AK7: variants seen among roughly 807,000 people sequenced by gnomAD.
The protein encoded by AK7 is ATP-AMP transphosphorylase 7.
Under a neutral mutation model 96.6 loss-of-function variants are expected in AK7, and 78 were observed. That is an observed-to-expected ratio of 0.81 (90% CI 0.67 to 0.97). AK7 has a LOEUF of 0.97. AK7 is among the 50% of genes least tolerant of loss of function. The pLI, the probability that AK7 is intolerant of heterozygous loss-of-function variation, is 0.00. For synonymous variants in AK7, 302 were observed against 317.2 expected, an observed-to-expected ratio of 0.95 and a Z score of 0.51; for missense variants, 855 against 887.9, an observed-to-expected ratio of 0.96 and a Z score of 0.47.
At position 96,423,990 on chromosome 14, in the gene AK7, C is replaced by T. The variant is rs1228858836; in HGVS notation, c.609+3058C>T. On this transcript the variant is annotated intron_variant, in intron 5 of 17. Transcript: ENST00000267584. ...GCCATTCCCTGTATTGGGGATCCTT[C>T]CTGCTTGGAGCATCCGGGTCTGTCA... is the stretch of plus-strand genomic sequence containing the variant. 3.4e-6 allele frequency: 3 copies of T among 873,578 alleles called. No homozygotes were observed. In the African/African-American group the frequency reaches 5.0e-5, roughly 14 times the overall value. 54.1% of individuals were successfully genotyped at this position (873,578 alleles called of 1,614,324 possible).
At chr14:96,436,862 C>T (rs895072041) in intron 5 of AK7, among the ~76,000 whole-genome samples, 11 of 152,028 alleles carry the variant, frequency 7.2e-5, no homozygotes, top group African/African-American at 2.7e-4. Context: ...AGCAGCAGGC[C>T]GCCATGTGGA....
rs533676290 is a variant in AK7, at chr14:96,477,897, G to A, written c.1556-568G>A. On this transcript the variant is annotated intron_variant, in intron 14 of 17. Transcript: ENST00000267584. ...ATAATTGTGCTGGATAGGAGGCAGC[G>A]TGAGGCCAGGAGCCGTGGCTTATCC... Among the ~76,000 whole-genome samples the A allele has an allele frequency of 2.4e-4, 36 of 152,300 alleles. 1 individual carries two copies. The South Asian group carries it at 7.2e-3, about 31-fold the overall frequency.
chr14:96,392,150 C>G lies in AK7; in HGVS notation c.-5C>G, dbSNP rs1301847819. The G allele has an allele frequency of 3.7e-6, 6 of 1,611,042 alleles. No homozygotes were observed. Among genetic ancestry groups the G allele is most frequent in the Admixed American group, 1.7e-5 (1 of 59,984 alleles). ...TTCACCTTAGCAACCAGCGCGGCTC[C>G]CACCATGGCTGAAGAAGAGGAAACT... On this transcript the variant is annotated 5_prime_UTR_variant, in exon 1 of 18. Coordinates refer to ENST00000267584, the MANE Select transcript of AK7 (RefSeq NM_152327.5).
chr14:96,480,743 G>A (rs547833992), intron 15 of AK7, among the ~76,000 whole-genome samples: 1 of 152,278 alleles, frequency 6.6e-6, no homozygotes, highest in Admixed American at 6.5e-5. Flanking sequence ...ATAAGTAACA[G>A]GGAGGAATGA....
intron 1 of AK7, among the ~76,000 whole-genome samples, chr14:96,396,951 G>A (rs1227157398): frequency 2.0e-5 from 3 of 152,112 alleles, no homozygotes; most frequent in African/African-American, 7.2e-5. Context: ...TAAAAAATTA[G>A]CCAGGCGTGG....
chr14:96,476,546 C>A (rs1404359568), intron 14 of AK7, among the ~76,000 whole-genome samples: 1 of 150,918 alleles, frequency 6.6e-6, no homozygotes, highest in African/African-American at 2.4e-5. Context: ...TCATGTGATT[C>A]CAGATAGCCA....
intron 8 of AK7, among the ~76,000 whole-genome samples, chr14:96,447,562 T>G (rs1431446820): frequency 6.6e-5 from 10 of 152,012 alleles, no homozygotes; most frequent in Non-Finnish European, 7.4e-5. Flanking sequence ...GCTCAAATGA[T>G]CCTCCCGCCT....
chr14:96,467,185 A>G (rs1487309460), intron 12 of AK7, among the ~76,000 whole-genome samples: 1 of 152,212 alleles, frequency 6.6e-6, no homozygotes, highest in East Asian at 1.9e-4. Context: ...GTTGTGCCTC[A>G]GTTAGTTTTA....
intron 5 of AK7, among the ~76,000 whole-genome samples, chr14:96,433,159 C>T (rs1323015795): frequency 6.6e-6 from 1 of 152,160 alleles, no homozygotes; most frequent in African/African-American, 2.4e-5. Flanking sequence ...TGGGATTCCT[C>T]TTCTCGAGGA....
chr14:96,481,544 C>T (rs1895502254), intron 15 of AK7, among the ~76,000 whole-genome samples: 1 of 151,690 alleles, frequency 6.6e-6, no homozygotes, highest in Admixed American at 6.6e-5. Flanking sequence ...CAGGGTTTTA[C>T]CACGTTGGCC....
At chr14:96,441,393 T>C (rs1892947866) in intron 6 of AK7, among the ~76,000 whole-genome samples, 1 of 151,826 alleles carries the variant, frequency 6.6e-6, no homozygotes, top group Non-Finnish European at 1.5e-5. Flanking sequence ...AATCCCAGCA[T>C]ATTGGGAGGC....
At chr14:96,395,771 T>C (rs1890039061) in intron 1 of AK7, among the ~76,000 whole-genome samples, 1 of 144,726 alleles carries the variant, frequency 6.9e-6, no homozygotes, top group Non-Finnish European at 1.5e-5. Context: ...TTTATCTCCT[T>C]CCTTAAATTA....
Position 96,488,374 on chromosome 14 carries a change from A to G in AK7, c.*31A>G. 6.3e-7 allele frequency: 1 copy of G among 1,593,408 alleles called. No homozygotes were observed. The highest frequency in any genetic ancestry group is 8.6e-7 in the Non-Finnish European group (1 of 1,163,710). On this transcript the variant is annotated 3_prime_UTR_variant, in exon 18 of 18. Transcript: ENST00000267584. ...GAAAGATCTGGTATTATCTACCTTTACAGAACCACAGATCACTTATTATAC... is the reference window on the plus strand; with the variant it reads ...GAAAGATCTGGTATTATCTACCTTTGCAGAACCACAGATCACTTATTATAC...
intron 4 of AK7, among the ~76,000 whole-genome samples, chr14:96,419,850 G>A (rs368982494): frequency 9.5e-4 from 132 of 138,916 alleles, no homozygotes; most frequent in Non-Finnish European, 1.0e-3. Flanking sequence ...GTGCAATGGC[G>A]CGATTTCGGC....
chr14:96,481,800 G>A (rs546248233), intron 15 of AK7, among the ~76,000 whole-genome samples: 223 of 151,244 alleles, frequency 1.5e-3, no homozygotes, highest in Non-Finnish European at 2.7e-3. Context: ...TGCTTCCCGG[G>A]TTCAAGTGAT....
intron 12 of AK7, among the ~76,000 whole-genome samples, chr14:96,468,073 C>CAAAAAA (rs35563628): frequency 3.8e-5 from 3 of 79,102 alleles, no homozygotes; most frequent in Non-Finnish European, 4.6e-5. Context: ...CCCGTCTCTA[C>CAAAAAA]AAAAAAAAAA....
At position 96,398,217 on chromosome 14, in the gene AK7, C is replaced by G. The variant is rs770377765; in HGVS notation, c.248C>G (p.Ser83Cys). Residue 83 changes from serine to cysteine, a missense_variant, in exon 2 of 18, where the codon TCC (serine) becomes TGC (cysteine). Ser to Cys is a moderately radical substitution (Grantham distance 112). Coordinates refer to ENST00000267584, the MANE Select transcript of AK7 (RefSeq NM_152327.5). ...ACATTCCAGATTGTGGGCACGCTGT[C>G]CAAGCCTGACAGCCCGCGGCCTGAC... ...EGTFQIVGTL[S>C]KPDSPRPDFA... The G allele has an allele frequency of 2.4e-5, 38 of 1,613,836 alleles. No individual in the cohort carries two copies. In the South Asian group the frequency reaches 3.4e-4, roughly 14 times the overall value.
intron 4 of AK7, among the ~76,000 whole-genome samples, chr14:96,412,833 C>T (rs756080940): frequency 6.6e-6 from 1 of 152,202 alleles, no homozygotes; most frequent in African/African-American, 2.4e-5. Context: ...TCCCAAAGTG[C>T]TGGGATTACA....
chr14:96,468,296 CTTTTTTTT>C (rs67009492), intron 12 of AK7, among the ~76,000 whole-genome samples: 2 of 98,552 alleles, frequency 2.0e-5, no homozygotes, highest in African/African-American at 7.6e-5. Flanking sequence ...GCACTCTTTC[CTTTTTTTT>C]TTTTTTTTTT....
Sources: gnomAD v4.1 joint callset for allele counts (sites outside exome capture counted in the v4.1 genomes callset) on GRCh38, gnomAD v4.1.1 for gene constraint, MANE v1.5 for transcripts, NCBI Gene and HGNC (gene_info 2026-07-23, HGNC 2026-07-21) for gene names.